SPIB: variants seen among roughly 807,000 people sequenced by gnomAD.
SPIB encodes Spi-B transcription factor.
SPIB carries 7 observed loss-of-function variants against 31.9 expected under a neutral mutation model. The observed-to-expected ratio is 0.22, with a 90% confidence interval of 0.12 to 0.41. The LOEUF (loss-of-function observed/expected upper bound fraction) is 0.41. Among genes scored for constraint, SPIB ranks in the 10% least tolerant of loss-of-function variants. The probability of loss-of-function intolerance (pLI) is 1.00; values close to 1 mark genes in which losing one functional copy is unlikely to be tolerated. For synonymous variants in SPIB, 176 were observed against 158.9 expected, an observed-to-expected ratio of 1.11 and a Z score of -0.81; for missense variants, 327 against 360.2, an observed-to-expected ratio of 0.91 and a Z score of 0.75.
intron 5 of SPIB, among the ~76,000 whole-genome samples, chr19:50,425,129 C>T (rs897370171): frequency 1.3e-5 from 2 of 151,992 alleles, no homozygotes; most frequent in African/African-American, 4.8e-5. Flanking sequence ...GCCTCAGCCT[C>T]CGCAGTAGCT....
chr19:50,424,081 G>C (rs570628316), intron 5 of SPIB, among the ~76,000 whole-genome samples: 2 of 152,054 alleles, frequency 1.3e-5, no homozygotes, highest in East Asian at 1.9e-4. Flanking sequence ...CATCATTCCC[G>C]ACACCACAGC....
At position 50,428,158 on chromosome 19, in the gene SPIB, A is replaced by C. The variant is rs755719665; in HGVS notation, c.611A>C (p.His204Pro). 6.3e-7 allele frequency: 1 copy of C among 1,590,446 alleles called. No homozygotes were observed. The highest frequency in any genetic ancestry group is 1.1e-5 in the South Asian group (1 of 87,482). ...GAGVFQFSSKHKELLARRWGQ... is the reference protein window; with the variant it reads ...GAGVFQFSSKPKELLARRWGQ... ...GGCGTCTTCCAGTTCTCCTCCAAGC[A>C]CAAGGAACTCCTGGCGCGCCGCTGG... The change falls in exon 6 of 6, where the codon CAC becomes CCC. Residue 204 changes from histidine to proline, a missense_variant. By Grantham distance (77) the His-to-Pro change is moderately conservative. Around this residue, in one of 4 missense-constraint regions of SPIB, gnomAD observed 54 missense variants for 69.5 expected, o/e 0.78. Coordinates refer to ENST00000595883, the MANE Select transcript of SPIB (RefSeq NM_003121.5). This position sits in a 1 kb window ranked among gnomAD's most constrained non-coding sequence, Gnocchi z 6.5.
At chr19:50,422,670 C>G in intron 3 of SPIB, 125 bp downstream of exon 3, 1 of 1,132,980 alleles carries the variant, frequency 8.8e-7, no homozygotes, top group Non-Finnish European at 1.3e-6. Flanking sequence ...TATAGCCCTC[C>G]TCCCCTTTCC....
Position 50,423,701 on chromosome 19 carries a change from A to T in SPIB, c.436A>T (p.Ser146Cys), listed in dbSNP as rs754090545. ...LDSPALEVSDSESDEALVAGP... is the reference protein window; with the variant it reads ...LDSPALEVSDCESDEALVAGP... Reference sequence around the variant, plus strand: ...CAGCCCTGCCCTGGAGGTCTCGGACAGCGAGTCGGATGAGGCCCTCGTGGC... The same window carrying T: ...CAGCCCTGCCCTGGAGGTCTCGGACTGCGAGTCGGATGAGGCCCTCGTGGC... Residue 146 changes from serine to cysteine, a missense_variant, in exon 5 of 6, where the codon AGC becomes TGC. By Grantham distance (112) the Ser-to-Cys change is moderately radical. Around this residue, in one of 4 missense-constraint regions of SPIB, gnomAD observed 238 missense variants for 228.8 expected, o/e 1.04. Coordinates refer to ENST00000595883, the MANE Select transcript of SPIB (RefSeq NM_003121.5). The T allele has an allele frequency of 1.3e-5, 21 of 1,613,660 alleles. No individual in the cohort carries two copies. In the South Asian group the frequency reaches 2.2e-4, roughly 17 times the overall value.
chr19:50,421,186 A>C (rs1192993448), intron 2 of SPIB, among the ~76,000 whole-genome samples: 5 of 152,164 alleles, frequency 3.3e-5, no homozygotes, highest in Non-Finnish European at 7.3e-5. Context: ...ATCCATTTTC[A>C]GTTCTCTTGA....
intron 5 of SPIB, among the ~76,000 whole-genome samples, chr19:50,425,580 A>C (rs755444561): frequency 6.6e-6 from 1 of 152,216 alleles, no homozygotes; most frequent in Non-Finnish European, 1.5e-5. Flanking sequence ...AGCTAGGACC[A>C]CAGGCGTACA....
rs548013650 is a variant in SPIB, at chr19:50,423,630, C to T, written c.365C>T (p.Pro122Leu). ...SQTLVPPAYA[P>L]YPSPVLSEEE... is the part of the protein sequence containing the mutation. ...ACCCTGGTTCCCCCGGCATATGCCC[C>T]GTACCCCAGCCCTGTGCTATCAGAG... The change falls in exon 5 of 6, where the codon CCG (proline) becomes CTG (leucine). Residue 122 changes from proline to leucine, a missense_variant. This residue lies in a region of SPIB where 238 missense variants were observed against 228.8 expected (regional missense o/e 1.04). Coordinates refer to ENST00000595883, the MANE Select transcript of SPIB (RefSeq NM_003121.5). The T allele has an allele frequency of 1.8e-5, 29 of 1,613,986 alleles. No homozygotes were observed. The South Asian group carries it at 2.2e-4, about 12-fold the overall frequency.
chr19:50,422,817 C>T lies in SPIB; in HGVS notation c.125-6C>T, dbSNP rs765873102. 2 of 1,542,402 alleles carry T rather than the reference C, an allele frequency of 1.3e-6. No individual in the cohort carries two copies. The highest frequency in any genetic ancestry group is 1.8e-6 in the Non-Finnish European group (2 of 1,140,456). On this transcript the variant is annotated splice_region_variant and splice_polypyrimidine_tract_variant and intron_variant, in intron 3 of 5. Transcript: ENST00000595883. ...CCCAGCTTCTGACTCAGTGCCCTTC[C>T]CCCAGACTCCCTGTGGGACTGGACT...
At chr19:50,427,770 A>T (rs553171963) in intron 5 of SPIB, among the ~76,000 whole-genome samples, 78 of 152,068 alleles carry the variant, frequency 5.1e-4, no homozygotes, top group African/African-American at 1.8e-3. Flanking sequence ...CGCAGGGCGG[A>T]AGGCAGGACA....
At chr19:50,425,881 C>G (rs981086617) in intron 5 of SPIB, among the ~76,000 whole-genome samples, 1 of 152,056 alleles carries the variant, frequency 6.6e-6, no homozygotes, top group African/African-American at 2.4e-5. Flanking sequence ...GGGTCCAAGG[C>G]GTCGGCCAAA....
intron 4 of SPIB, 73 bp from the exon 5 acceptor site, chr19:50,423,532 C>CCTTGG (rs1238424533): frequency 1.3e-6 from 2 of 1,568,238 alleles, no homozygotes; most frequent in African/African-American, 2.7e-5. Flanking sequence ...AGGGCCACCG[C>CCTTGG]CTTGGCCTGA....
At position 50,428,701 on chromosome 19, in the gene SPIB, T is replaced by A; in HGVS notation, c.*365T>A. 1 of 260,082 alleles carries A rather than the reference T, an allele frequency of 3.8e-6. No homozygotes were observed. Among genetic ancestry groups the A allele is most frequent in the Non-Finnish European group, 7.2e-6 (1 of 137,978 alleles). The allele number at this position is 260,082 out of a possible 1,614,324, so 16.1% of individuals were successfully genotyped here. ...TGATATCTGATTCCCCAGTGAGGCC[T>A]GGGACGTTTTTAAGATCGCTGTGTG... On this transcript the variant is annotated 3_prime_UTR_variant, in exon 6 of 6. Transcript: ENST00000595883. This position sits in a 1 kb window ranked among gnomAD's most constrained non-coding sequence, Gnocchi z 6.5.
chr19:50,426,804 T>C (rs139263729), intron 5 of SPIB, among the ~76,000 whole-genome samples: 4 of 151,904 alleles, frequency 2.6e-5, no homozygotes, highest in East Asian at 2.0e-4. Context: ...CTCCAACTTA[T>C]ACTTTCGATG....
In SPIB at chr19:50,430,354, G is replaced by T. The variant is rs1233012658; in HGVS notation, c.*2018G>T. The T allele has an allele frequency of 6.6e-6, 1 of 152,134 alleles. No individual in the cohort carries two copies. 9.4% of individuals were successfully genotyped at this position (152,134 alleles called of 1,614,324 possible). On this transcript the variant is annotated 3_prime_UTR_variant, in exon 6 of 6. Coordinates refer to ENST00000595883, the MANE Select transcript of SPIB (RefSeq NM_003121.5). ...CAAGAGGCCAGAGGTCCTTGAGCCT[G>T]GGTGGGCAGGTGGATCTAGGGTGCA...
At chr19:50,425,757 T>G (rs1205025617) in intron 5 of SPIB, among the ~76,000 whole-genome samples, 1 of 152,212 alleles carries the variant, frequency 6.6e-6, no homozygotes, top group Admixed American at 6.5e-5. Context: ...TAAATTATTT[T>G]ATGGCTTATA....
At chr19:50,421,212 T>G (rs536613899) in intron 2 of SPIB, among the ~76,000 whole-genome samples, 4 of 152,174 alleles carry the variant, frequency 2.6e-5, no homozygotes, top group African/African-American at 9.6e-5. Flanking sequence ...TGCCAAGGAG[T>G]GAGACTGCCA....
chr19:50,420,052 A>G, intron 2 of SPIB, 79 bp downstream of exon 2: 4 of 1,255,374 alleles, frequency 3.2e-6, no homozygotes, highest in Non-Finnish European at 4.2e-6. Context: ...TTCCTGCCTC[A>G]GTTTCCCCTC....
chr19:50,420,658 C>T (rs993958057), intron 2 of SPIB, among the ~76,000 whole-genome samples: 18 of 152,138 alleles, frequency 1.2e-4, no homozygotes, highest in Non-Finnish European at 2.1e-4. Flanking sequence ...GAAGGAGTCT[C>T]GCTCTGTCAC....
At chr19:50,421,241 G>A (rs1401943883) in intron 2 of SPIB, among the ~76,000 whole-genome samples, 1 of 152,154 alleles carries the variant, frequency 6.6e-6, no homozygotes. Context: ...GCATGGTGTG[G>A]ATCTAGCTTT....
Sources: allele counts gnomAD v4.1 joint callset (sites outside exome capture counted in the v4.1 genomes callset), GRCh38; gene constraint gnomAD v4.1.1; regional missense constraint gnomAD v4.1.1; non-coding constraint Gnocchi (gnomAD v3.1); transcripts MANE v1.5; gene names NCBI Gene and HGNC (gene_info 2026-07-23, HGNC 2026-07-21).